FAM120A: variants seen among roughly 807,000 people sequenced by gnomAD.
FAM120A encodes family with sequence similarity 120 member A.
A neutral mutation model predicts 109.7 loss-of-function variants in FAM120A; 15 were observed. The observed-to-expected ratio is 0.14, with a 90% CI of 0.09 to 0.21. The LOEUF is 0.21. Ranked by LOEUF, FAM120A falls within the 10% of genes least tolerant of loss-of-function variation. The pLI is 1.00. For synonymous variants in FAM120A, 493 were observed against 572.8 expected (o/e 0.86, Z 1.99); for missense variants, 899 against 1,439.3 (o/e 0.62, Z 6.07).
At chr9:93,556,230 G>C in intron 12 of FAM120A, 152 bp from the exon 13 acceptor site, 1 of 618,566 alleles carries the variant, frequency 1.6e-6, no homozygotes, top group Non-Finnish European at 2.9e-6. Flanking sequence ...TGAGGCCAGT[G>C]TTAGGTCAAT....
chr9:93,542,187 G>A (rs985399352), intron 10 of FAM120A, among the ~76,000 whole-genome samples: 1 of 152,328 alleles, frequency 6.6e-6, no homozygotes, highest in East Asian at 1.9e-4. Flanking sequence ...TCGTGCACTG[G>A]AGTGTGTCAG....
chr9:93,485,403 C>T (rs974053947), intron 3 of FAM120A, among the ~76,000 whole-genome samples: 2 of 152,042 alleles, frequency 1.3e-5, no homozygotes, highest in Non-Finnish European at 2.9e-5. Flanking sequence ...CGAGACCAGC[C>T]TGGGTAACAT....
At chr9:93,474,597 G>T (rs1454219687) in intron 2 of FAM120A, among the ~76,000 whole-genome samples, 9 of 151,084 alleles carry the variant, frequency 6.0e-5, no homozygotes, top group Non-Finnish European at 1.3e-4. Flanking sequence ...TTCTTTTTTT[G>T]TTTGTTTGTT....
intron 1 of FAM120A, among the ~76,000 whole-genome samples, chr9:93,455,756 G>A (rs1164133327): frequency 4.6e-5 from 7 of 152,004 alleles, no homozygotes; most frequent in African/African-American, 1.7e-4. Flanking sequence ...TCCACCTCCT[G>A]GGTTCAAGCG....
intron 11 of FAM120A, among the ~76,000 whole-genome samples, chr9:93,547,694 T>A (rs1861938000): frequency 6.6e-6 from 1 of 152,060 alleles, no homozygotes; most frequent in South Asian, 2.1e-4. Flanking sequence ...AGAGAAAAAA[T>A]TTCCAGAAAT....
At chr9:93,468,161 G>T (rs1008667229) in intron 1 of FAM120A, among the ~76,000 whole-genome samples, 2 of 152,200 alleles carry the variant, frequency 1.3e-5, no homozygotes, top group African/African-American at 2.4e-5. Context: ...TGGGATTACA[G>T]GTGTGAGCCA....
Position 93,477,153 on chromosome 9 carries a change from G to C in FAM120A, c.804+815G>C, listed in dbSNP as rs972213391. Among the ~76,000 whole-genome samples the C allele has an allele frequency of 2.0e-5, 3 of 152,122 alleles. 1 individual carries two copies. The highest frequency in any genetic ancestry group is 4.1e-4 in the South Asian group (2 of 4,824). ...GCGGTTAAATTGGGTGTTTTCCGAA[G>C]GGCTGTAAAATTTTGAATGTTGTCG... On this transcript the variant is annotated intron_variant, in intron 3 of 17. Transcript: ENST00000277165.
Position 93,558,606 on chromosome 9 carries a change from T to G in FAM120A, c.2694T>G (p.Tyr898Ter). 1 of 1,614,188 alleles carries G rather than the reference T, an allele frequency of 6.2e-7. No individual in the cohort carries two copies. The highest frequency in any genetic ancestry group is 8.5e-7 in the Non-Finnish European group (1 of 1,180,012). Residue 898 changes from tyrosine to a stop codon, truncating the protein, a stop_gained, in exon 15 of 18, where the codon TAT becomes TAG. Coordinates refer to ENST00000277165, the MANE Select transcript of FAM120A (RefSeq NM_014612.5). LOFTEE classifies it high-confidence loss of function. ...GCGTCTGTGGCTTTGGAGGCCCCTA[T>G]GGGGAAACGGTAGCAACAGGCCCTT... ...FAGVCGFGGP[Y>*]GETVATGPYR...
rs771230098 is a variant in FAM120A, at chr9:93,471,133, T to C, written c.475-8T>C. 2 of 1,613,672 alleles carry C rather than the reference T, an allele frequency of 1.2e-6. No homozygotes were observed. Among genetic ancestry groups the C allele is most frequent in the East Asian group, 4.5e-5 (2 of 44,874 alleles). ...TACATCTGATGAAGTTTTTTTCTCG[T>C]TTGCCAGGTTGCACAGAGCATTGAG... is the stretch of plus-strand genomic sequence containing the variant. On this transcript the variant is annotated splice_region_variant and splice_polypyrimidine_tract_variant and intron_variant, in intron 1 of 17. Transcript: ENST00000277165.
rs1861385026 is a variant in FAM120A at position 93,532,930 on chromosome 9, T to C, written c.1909+601T>C. The stretch of plus-strand genomic sequence containing the variant: ...TGCAGGTGGAAACACTGAAAAGGAT[T>C]GTTTGAAAAGTTGGTCAAAGATGAG... On this transcript the variant is annotated intron_variant, in intron 10 of 17. Transcript: ENST00000277165. This position sits in a 1 kb window ranked among gnomAD's most constrained non-coding sequence, Gnocchi z 4.3. Among the ~76,000 whole-genome samples, 1 of 152,222 alleles carries C rather than the reference T, an allele frequency of 6.6e-6. No homozygotes were observed. Among genetic ancestry groups the C allele is most frequent in the Non-Finnish European group, 1.5e-5 (1 of 68,046 alleles).
chr9:93,471,161 T>C lies in FAM120A; in HGVS notation c.495T>C (p.Asp165=), dbSNP rs2131259239. 6.2e-7 allele frequency: 1 copy of C among 1,614,210 alleles called. No homozygotes were observed. Among genetic ancestry groups the C allele is most frequent in the African/African-American group, 1.3e-5 (1 of 75,046 alleles). The change falls in exon 2 of 18, where the codon GAT becomes GAC. Residue 165 remains aspartate, a synonymous_variant. Transcript: ENST00000277165. ...GCCAGGTTGCACAGAGCATTGAGGA[T>C]CACCATCAGGAAGTGATTGGTTTCT... ...FHVKVAQSIE[D]HHQEVIGFCR...
intron 11 of FAM120A, among the ~76,000 whole-genome samples, chr9:93,544,532 C>G (rs1047417098): frequency 6.6e-6 from 1 of 152,164 alleles, no homozygotes; most frequent in Non-Finnish European, 1.5e-5. Context: ...GGTTTGGTTT[C>G]ATTTTAAAAG....
intron 3 of FAM120A, among the ~76,000 whole-genome samples, chr9:93,496,088 G>C (rs1219226625): frequency 1.3e-5 from 2 of 152,114 alleles, no homozygotes; most frequent in East Asian, 3.9e-4. Context: ...CAGCAATTTG[G>C]TTACATCTTC....
At chr9:93,545,742 C>T (rs1305870746) in intron 11 of FAM120A, among the ~76,000 whole-genome samples, 3 of 144,470 alleles carry the variant, frequency 2.1e-5, no homozygotes, top group Non-Finnish European at 4.5e-5. Flanking sequence ...GTCAGCTGAA[C>T]GTGATTTCCA....
chr9:93,545,456 C>A (rs995475565), intron 11 of FAM120A, among the ~76,000 whole-genome samples: 49 of 152,318 alleles, frequency 3.2e-4, no homozygotes, highest in African/African-American at 1.1e-3. Context: ...CTGGGAAGCC[C>A]CATGGCCCCT....
intron 5 of FAM120A, among the ~76,000 whole-genome samples, chr9:93,504,271 T>A (rs1396698020): frequency 6.6e-6 from 1 of 152,190 alleles, no homozygotes; most frequent in Non-Finnish European, 1.5e-5. Context: ...AGAGCGGCAG[T>A]GCAGTTGCCA....
chr9:93,546,484 G>A (rs1273466339), intron 11 of FAM120A, among the ~76,000 whole-genome samples: 1 of 152,242 alleles, frequency 6.6e-6, no homozygotes, highest in Non-Finnish European at 1.5e-5. Flanking sequence ...CCCATCTGGT[G>A]TATTTACTCT....
intron 14 of FAM120A, 82 bp from the exon 15 acceptor site, chr9:93,558,499 G>T: frequency 1.3e-6 from 2 of 1,524,546 alleles, no homozygotes; most frequent in East Asian, 2.3e-5. Flanking sequence ...GGAGGCAGGG[G>T]CCACTCTGCC....
intron 7 of FAM120A, among the ~76,000 whole-genome samples, chr9:93,521,089 G>A (rs117519070): frequency 0.018 from 2,692 of 152,306 alleles, 181 homozygotes; most frequent in Admixed American, 0.12. Flanking sequence ...ATCTGTTAGA[G>A]GAGGAGTTCT....
Sources: gnomAD v4.1 joint callset for allele counts (sites outside exome capture counted in the v4.1 genomes callset) on GRCh38, gnomAD v4.1.1 for gene constraint, Gnocchi (gnomAD v3.1) non-coding constraint, MANE v1.5 for transcripts, NCBI Gene and HGNC (gene_info 2026-07-23, HGNC 2026-07-21) for gene names.